The following DNM3 variants were observed in gnomAD, a reference collection of about 807,000 sequenced individuals.
DNM3 encodes dynamin-3.
In DNM3, 47 loss-of-function variants were observed where a neutral mutation model predicts 101.6. That is an observed-to-expected ratio of 0.46 (90% confidence interval 0.37 to 0.59). The LOEUF (loss-of-function observed/expected upper bound fraction) is 0.59, where lower values mean the gene tolerates loss of function less well. Ranked by LOEUF, DNM3 falls within the 20% of genes least tolerant of loss-of-function variation. The pLI is 0.00. For synonymous variants in DNM3, 385 were observed against 387.9 expected (o/e 0.99, Z 0.09); for missense variants, 849 against 1,085.7 (o/e 0.78, Z 3.06).
Position 172,202,963 on chromosome 1 carries a change from A to G in DNM3, c.1660-50610A>G, listed in dbSNP as rs1442897395. Among the ~76,000 whole-genome samples the G allele has an allele frequency of 2.0e-5, 3 of 152,084 alleles. No individual in the cohort carries two copies. The East Asian group carries it at 5.8e-4, about 29-fold the overall frequency. On this transcript the variant is annotated intron_variant, in intron 14 of 20. Transcript: ENST00000627582. ...TACTAGAATTATAAAAATGTGACTC[A>G]CCCTTTTCCAAATTTCTAGAAATTA...
chr1:171,986,562 T>A (rs1270799985), intron 2 of DNM3, among the ~76,000 whole-genome samples: 1 of 152,068 alleles, frequency 6.6e-6, no homozygotes, highest in Non-Finnish European at 1.5e-5. Context: ...TGCCATTTCA[T>A]CTTCAAGAGT....
intron 14 of DNM3, among the ~76,000 whole-genome samples, chr1:172,243,436 C>T (rs1010055167): frequency 6.6e-6 from 1 of 152,138 alleles, no homozygotes; most frequent in Admixed American, 6.6e-5. Context: ...GCCAGAAAGC[C>T]TTCCTGGAGG....
chr1:172,334,156 C>T (rs1390285765), intron 17 of DNM3, among the ~76,000 whole-genome samples: 1 of 152,174 alleles, frequency 6.6e-6, no homozygotes, highest in Admixed American at 6.6e-5. Flanking sequence ...ACTTATAATG[C>T]AGTTACTTCC....
chr1:172,390,051 G>A (rs1312355263), intron 20 of DNM3, among the ~76,000 whole-genome samples: 1 of 152,164 alleles, frequency 6.6e-6, no homozygotes, highest in Non-Finnish European at 1.5e-5. Flanking sequence ...TTGATACACT[G>A]TAAAGACTAC....
chr1:172,396,993 C>G (rs562135403), intron 20 of DNM3, among the ~76,000 whole-genome samples: 1 of 152,142 alleles, frequency 6.6e-6, no homozygotes, highest in South Asian at 2.1e-4. Context: ...TTTATATTAG[C>G]ATTATTCTCA....
At chr1:171,925,281 G>A (rs780677245) in intron 2 of DNM3, among the ~76,000 whole-genome samples, 2 of 151,408 alleles carry the variant, frequency 1.3e-5, no homozygotes, top group Admixed American at 6.6e-5. Flanking sequence ...AGGCTGGAGT[G>A]CAGTGGTGCG....
intron 10 of DNM3, among the ~76,000 whole-genome samples, chr1:172,065,653 C>A (rs2051594748): frequency 6.6e-6 from 1 of 152,072 alleles, no homozygotes; most frequent in Non-Finnish European, 1.5e-5. Context: ...AATAAGCCCC[C>A]AGGTGAGCGT....
At position 172,033,204 on chromosome 1, in the gene DNM3, C is replaced by T. The variant is rs767005768; in HGVS notation, c.788C>T (p.Pro263Leu). 9.9e-6 allele frequency: 16 copies of T among 1,608,544 alleles called. No individual in the cohort carries two copies. Among genetic ancestry groups the T allele is most frequent in the African/African-American group, 2.7e-5 (2 of 74,790 alleles). Reference protein sequence around the residue: ...LAERKFFLSHPAYRHIADRMG... With the variant: ...LAERKFFLSHLAYRHIADRMG... The stretch of plus-strand genomic sequence containing the variant: ...GAGAGGAAGTTTTTCCTTTCCCACC[C>T]GGCTTACAGACATATCGCTGACCGA... Residue 263 changes from proline to leucine, a missense_variant, in exon 6 of 21, where the codon CCG becomes CTG. Physicochemically the swap from Pro to Leu is moderately conservative, Grantham distance 98 (BLOSUM62 -3). Around this residue, in one of 5 missense-constraint regions of DNM3, gnomAD observed 388 missense variants for 483.0 expected, o/e 0.80. Coordinates refer to ENST00000627582, the MANE Select transcript of DNM3 (RefSeq NM_015569.5).
intron 16 of DNM3, chr1:172,310,957 C>T (rs2065053980): frequency 6.6e-6 from 1 of 152,152 alleles, no homozygotes; most frequent in Non-Finnish European, 1.5e-5. Context: ...TATTTACATT[C>T]CAGGTGCTTA....
intron 4 of DNM3, among the ~76,000 whole-genome samples, chr1:172,017,369 GT>G (rs1366716321): frequency 6.6e-6 from 1 of 151,778 alleles, no homozygotes; most frequent in Non-Finnish European, 1.5e-5. Flanking sequence ...CAATGCTTTT[GT>G]TGCATTCCAC....
chr1:172,236,331 G>A (rs1003949142), intron 14 of DNM3, among the ~76,000 whole-genome samples: 3 of 152,084 alleles, frequency 2.0e-5, no homozygotes, highest in East Asian at 1.9e-4. Flanking sequence ...AATGTAGTAC[G>A]ATGTTTTTGT....
rs796550916 is a variant in DNM3, at chr1:172,323,397, G to A, written c.1893+57G>A. Reference sequence around the variant, plus strand: ...TCCCCCCAGCCCCTGCTCCGCTCCTGCATGTCTTGACAAGAGTGTTCCTGT... The same window carrying A: ...TCCCCCCAGCCCCTGCTCCGCTCCTACATGTCTTGACAAGAGTGTTCCTGT... On this transcript the variant is annotated intron_variant, in intron 17 of 20. Transcript: ENST00000627582. The A allele has an allele frequency of 4.5e-6, 7 of 1,571,794 alleles. No individual in the cohort carries two copies. In the African/African-American group the frequency reaches 6.8e-5, roughly 15 times the overall value.
chr1:172,292,677 C>T (rs1030921632), intron 15 of DNM3, among the ~76,000 whole-genome samples: 8 of 151,950 alleles, frequency 5.3e-5, no homozygotes, highest in South Asian at 2.1e-4. Flanking sequence ...AAAAGTATTG[C>T]GGTTTTTGCA....
chr1:171,899,805 T>G (rs780249697), intron 1 of DNM3, among the ~76,000 whole-genome samples: 1 of 152,162 alleles, frequency 6.6e-6, no homozygotes. Context: ...AAAACATATA[T>G]AGTGGGTTCT....
chr1:171,937,637 A>G (rs1275239261), intron 2 of DNM3, among the ~76,000 whole-genome samples: 3 of 152,088 alleles, frequency 2.0e-5, no homozygotes, highest in Non-Finnish European at 4.4e-5. Context: ...TGGTGCCATC[A>G]TGGCTCACTG....
At chr1:172,163,012 T>C (rs961403557) in intron 14 of DNM3, among the ~76,000 whole-genome samples, 2 of 152,110 alleles carry the variant, frequency 1.3e-5, no homozygotes, top group African/African-American at 4.8e-5. Context: ...TGAGACTTAT[T>C]TTTCTTACAG....
intron 7 of DNM3, among the ~76,000 whole-genome samples, chr1:172,039,910 C>CAG (rs2049249884): frequency 6.6e-6 from 1 of 152,036 alleles, no homozygotes; most frequent in East Asian, 1.9e-4. Flanking sequence ...TAAAAATTAA[C>CAG]ACAATTTAAC....
At chr1:171,903,983 G>C (rs965596057) in intron 1 of DNM3, among the ~76,000 whole-genome samples, 198 of 152,260 alleles carry the variant, frequency 1.3e-3, no homozygotes, top group African/African-American at 4.4e-3. Flanking sequence ...GAAGACTTAA[G>C]TTACTTATAT....
rs764287347 is a variant in DNM3, at chr1:171,989,105, A to G, written c.546A>G (p.Ala182=). The G allele has an allele frequency of 6.2e-7, 1 of 1,613,196 alleles. No homozygotes were observed. Among genetic ancestry groups the G allele is most frequent in the Non-Finnish European group, 8.5e-7 (1 of 1,179,446 alleles). ...TTACTCCAGCCAACACTGATCTTGC[A>G]AACTCAGATGCGCTGAAGCTAGCTA... is the stretch of plus-strand genomic sequence containing the variant. ...LAVTPANTDL[A]NSDALKLAKE... Residue 182 remains alanine, a synonymous_variant, in exon 4 of 21, where the codon GCA becomes GCG. Coordinates refer to ENST00000627582, the MANE Select transcript of DNM3 (RefSeq NM_015569.5).
Sources: gnomAD v4.1 joint callset for allele counts (sites outside exome capture counted in the v4.1 genomes callset) on GRCh38, gnomAD v4.1.1 for gene constraint, gnomAD v4.1.1 regional missense constraint, MANE v1.5 for transcripts, NCBI Gene and HGNC (gene_info 2026-07-23, HGNC 2026-07-21) for gene names.